C1R: variants seen among roughly 807,000 people sequenced by gnomAD.
The protein encoded by C1R is complement C1r subcomponent.
C1R carries 15 observed loss-of-function variants against 27.6 expected under a neutral mutation model. The observed-to-expected ratio is 0.54, with a 90% CI of 0.36 to 0.84. The LOEUF is 0.84. C1R is among the 40% of genes least tolerant of loss of function. The pLI is 0.01. For missense variants in C1R, 544 were observed against 577.9 expected (o/e 0.94, Z 0.60); for synonymous variants, 253 against 228.8 (o/e 1.11, Z -0.95).
chr12:7,088,708 T>C lies in C1R; in HGVS notation c.940A>G (p.Thr314Ala), dbSNP rs1267707815. ...TEIIKCPQPK[T>A]LDEFTIIQNL... ...TGGATGATGGTGAACTCGTCTAGGG[T>C]CTTGGGCTGGGGGCACTTGATGACT... The change falls in exon 7 of 11, where the codon ACC becomes GCC. Residue 314 changes from threonine (T) to alanine (A), a missense_variant. Coordinates refer to ENST00000647956, the MANE Select transcript of C1R (RefSeq NM_001733.7). The C allele has an allele frequency of 1.3e-6, 1 of 776,764 alleles. No homozygotes were observed. Among genetic ancestry groups the C allele is most frequent in the African/African-American group, 1.7e-5 (1 of 59,090 alleles). The allele number at this position is 776,764 out of a possible 1,614,324, so 48.1% of individuals were successfully genotyped here. A position where few individuals can be genotyped will look rare whatever the true frequency, so the allele number is the denominator to read the frequency against.
At chr12:7,081,401 T>C in intron 10 of C1R, 100 bp from the exon 11 acceptor site, 1 of 1,067,774 alleles carries the variant, frequency 9.4e-7, no homozygotes, top group Non-Finnish European at 1.4e-6. Flanking sequence ...TCTTTTTGGC[T>C]TCTGTCTCTT....
intron 2 of C1R, 160 bp from the exon 3 acceptor site, chr12:7,090,408 A>C: frequency 1.7e-6 from 1 of 603,188 alleles, no homozygotes; most frequent in South Asian, 2.0e-5. Flanking sequence ...AAACTTCCCC[A>C]TGTGACTTTC....
At chr12:7,086,862 C>T (rs1223984854) in intron 7 of C1R, 1 of 155,692 alleles carries the variant, frequency 6.4e-6, no homozygotes, top group Non-Finnish European at 1.4e-5. Flanking sequence ...GTGTCCCCTG[C>T]CTCCAGGCGT....
At chr12:7,085,336 G>A (rs1938135400) in intron 9 of C1R, among the ~76,000 whole-genome samples, 1 of 151,700 alleles carries the variant, frequency 6.6e-6, no homozygotes, top group Non-Finnish European at 1.5e-5. Flanking sequence ...TGGTGGTGAT[G>A]ATGATGTTGG....
Position 7,089,424 on chromosome 12 carries a change from A to G in C1R, c.637T>C (p.Ser213Pro). The change falls in exon 5 of 11, where the codon TCC becomes CCC. Residue 213 changes from serine (S) to proline (P), a missense_variant. Ser to Pro is a moderately conservative substitution (Grantham distance 74, BLOSUM62 -1). Transcript: ENST00000647956. Reference sequence around the variant, plus strand: ...TTGCAGCGCAGGTCAGGGGGGTAGGACCGAGGGTACTCCAGGCTGGAGATG... The same window carrying G: ...TTGCAGCGCAGGTCAGGGGGGTAGGGCCGAGGGTACTCCAGGCTGGAGATG... ...GYISSLEYPR[S>P]YPPDLRCNYS... is the part of the protein sequence containing the mutation. The G allele has an allele frequency of 1.3e-6, 1 of 779,996 alleles. No individual in the cohort carries two copies. The highest frequency in any genetic ancestry group is 2.4e-6 in the Non-Finnish European group (1 of 417,490). 48.3% of individuals were successfully genotyped at this position (779,996 alleles called of 1,614,324 possible). A position where few individuals can be genotyped will look rare whatever the true frequency, so the allele number is the denominator to read the frequency against.
In C1R at chr12:7,088,718, G is replaced by A. The variant is rs1409062342; in HGVS notation, c.930C>T (p.Pro310=). The change falls in exon 7 of 11, where the codon CCC becomes CCT. Residue 310 remains proline, a synonymous_variant. Transcript: ENST00000647956. ...TGAACTCGTCTAGGGTCTTGGGCTG[G>A]GGGCACTTGATGACTGTTGGGGAGA... The part of the protein sequence containing the change: ...LRYTTEIIKC[P]QPKTLDEFTI... 3.9e-6 allele frequency: 3 copies of A among 777,688 alleles called. No individual in the cohort carries two copies. The South Asian group carries it at 4.1e-5, about 11-fold the overall frequency. 48.2% of individuals were successfully genotyped at this position (777,688 alleles called of 1,614,324 possible). A position where few individuals can be genotyped will look rare whatever the true frequency, so the allele number is the denominator to read the frequency against.
At chr12:7,085,294 AGTGGTGATG>A (rs1212698067) in intron 9 of C1R, among the ~76,000 whole-genome samples, 33 of 123,530 alleles carry the variant, frequency 2.7e-4, no homozygotes, top group East Asian at 1.0e-3. Context: ...TGGTAATGAT[AGTGGTGATG>A]GTGGTGATGG....
intron 9 of C1R, among the ~76,000 whole-genome samples, chr12:7,082,435 C>T (rs1158990676): frequency 6.6e-6 from 1 of 152,050 alleles, no homozygotes; most frequent in Non-Finnish European, 1.5e-5. Context: ...AGGTTCATGC[C>T]ATTCTCCTGC....
chr12:7,090,622 G>A (rs941061092), intron 2 of C1R, among the ~76,000 whole-genome samples: 3 of 152,112 alleles, frequency 2.0e-5, no homozygotes, highest in Non-Finnish European at 2.9e-5. Context: ...AGACAGCTCC[G>A]CTTTATTTTC....
chr12:7,080,987 C>T lies in C1R; in HGVS notation c.1663G>A (p.Glu555Lys). Residue 555 changes from glutamate (E) to lysine (K), a missense_variant, in exon 11 of 11, where the codon GAG (glutamate) becomes AAG (lysine). Coordinates refer to ENST00000647956, the MANE Select transcript of C1R (RefSeq NM_001733.7). This position sits in a 1 kb window ranked among gnomAD's most constrained non-coding sequence, Gnocchi z 4.9. ...DYRQDESYNFEGDIALLELEN... is the reference protein window; with the variant it reads ...DYRQDESYNFKGDIALLELEN... Reference sequence around the variant, plus strand: ...AGCTCCAGCAGGGCGATGTCCCCCTCAAAATTGTAGGACTCATCCTGACGG... The same window carrying T: ...AGCTCCAGCAGGGCGATGTCCCCCTTAAAATTGTAGGACTCATCCTGACGG... 1 of 1,613,946 alleles carries T rather than the reference C, an allele frequency of 6.2e-7. No individual in the cohort carries two copies. The highest frequency in any genetic ancestry group is 8.5e-7 in the Non-Finnish European group (1 of 1,179,820).
Position 7,089,630 on chromosome 12 carries a change from G to T in C1R, c.528C>A (p.Cys176Ter). 4 of 780,942 alleles carry T rather than the reference G, an allele frequency of 5.1e-6. No homozygotes were observed. The highest frequency in any genetic ancestry group is 9.6e-6 in the Non-Finnish European group (4 of 418,000). 48.4% of individuals were successfully genotyped at this position (780,942 alleles called of 1,614,324 possible). The change falls in exon 4 of 11, where the codon TGC (cysteine) becomes TGA (stop). Residue 176 changes from cysteine (C) to a stop codon, truncating the protein, a stop_gained. Coordinates refer to ENST00000647956, the MANE Select transcript of C1R (RefSeq NM_001733.7). LOFTEE classifies it high-confidence loss of function. ...CTTCCTGAAGCTCATAGCCTGGACG[G>T]CAGGAACAGAAGTAGCCTCCAACGT... ...HNYVGGYFCS[C>*]RPGYELQEDR...
intron 5 of C1R, 75 bp downstream of exon 5, chr12:7,089,218 A>G (rs770903079): frequency 7.2e-5 from 52 of 725,378 alleles, no homozygotes; most frequent in African/African-American, 6.0e-4. Flanking sequence ...GGGATCCAGG[A>G]GGAAGTTGGG....
Position 7,091,712 on chromosome 12 carries a change from G to A in C1R, c.3-32C>T. The A allele has an allele frequency of 1.4e-6, 1 of 719,468 alleles. No homozygotes were observed. 44.6% of individuals were successfully genotyped at this position (719,468 alleles called of 1,614,324 possible). ...AAACAAAAGAGAGTATCTGGAGCTGGAGGGGTTCAGCACTCTTGCCATGTG... is the reference window on the plus strand; with the variant it reads ...AAACAAAAGAGAGTATCTGGAGCTGAAGGGGTTCAGCACTCTTGCCATGTG... On this transcript the variant is annotated intron_variant, in intron 1 of 10. Transcript: ENST00000647956. The surrounding 1 kb of genome is among the most constrained non-coding windows in gnomAD (Gnocchi z 5.1).
intron 9 of C1R, among the ~76,000 whole-genome samples, chr12:7,085,216 G>A (rs1938131018): frequency 6.6e-6 from 1 of 150,836 alleles, no homozygotes; most frequent in African/African-American, 2.5e-5. Flanking sequence ...TGCTGGTGGT[G>A]ATAATGGTAG....
At position 7,088,960 on chromosome 12, in the gene C1R, G is replaced by C. The variant is rs752048996; in HGVS notation, c.795C>G (p.Gly265=). 1.9e-5 allele frequency: 14 copies of C among 751,100 alleles called. No individual in the cohort carries two copies. Among genetic ancestry groups the C allele is most frequent in the South Asian group, 1.4e-5 (1 of 70,096 alleles). 46.5% of individuals were successfully genotyped at this position (751,100 alleles called of 1,614,324 possible). Reference sequence around the variant, plus strand: ...GGGGCCTTTGCTTCCCACAGAACTCGCCAATGTTCTTCCCGTTGGCATAGA... The same window carrying C: ...GGGGCCTTTGCTTCCCACAGAACTCCCCAATGTTCTTCCCGTTGGCATAGA... ...LQIYANGKNI[G]EFCGKQRPPD... The change falls in exon 6 of 11, where the codon GGC becomes GGG. Residue 265 remains glycine, a synonymous_variant. Transcript: ENST00000647956.
chr12:7,080,444 T>C lies in C1R; in HGVS notation c.*88A>G, dbSNP rs1938032172. On this transcript the variant is annotated 3_prime_UTR_variant, in exon 11 of 11. Coordinates refer to ENST00000647956, the MANE Select transcript of C1R (RefSeq NM_001733.7). The surrounding 1 kb of genome is among the most constrained non-coding windows in gnomAD (Gnocchi z 4.9). ...CTGCATCAGTAATTTTAATAGAGACTCTTAGTGGTTATCAACAACTGGTCA... is the reference window on the plus strand; with the variant it reads ...CTGCATCAGTAATTTTAATAGAGACCCTTAGTGGTTATCAACAACTGGTCA... 1 of 1,500,102 alleles carries C rather than the reference T, an allele frequency of 6.7e-7. No individual in the cohort carries two copies. The highest frequency in any genetic ancestry group is 8.9e-7 in the Non-Finnish European group (1 of 1,127,084). 92.9% of individuals were successfully genotyped at this position (1,500,102 alleles called of 1,614,324 possible). A position where few individuals can be genotyped will look rare whatever the true frequency, so the allele number is the denominator to read the frequency against.
rs1156353755 is a variant in C1R, at chr12:7,086,408, G to A, written c.1088C>T (p.Thr363Met). 10 of 398,710 alleles carry A rather than the reference G, an allele frequency of 2.5e-5. No individual in the cohort carries two copies. The highest frequency in any genetic ancestry group is 7.1e-5 in the East Asian group (2 of 28,084). 24.7% of individuals were successfully genotyped at this position (398,710 alleles called of 1,614,324 possible). A position where few individuals can be genotyped will look rare whatever the true frequency, so the allele number is the denominator to read the frequency against. ...GCATCTGGGCATGGCACGATGCCAC[G>A]TGCCATCATCCTGGCAGACAGCTGT... ...SFTAVCQDDG[T>M]WHRAMPRCKI... Residue 363 changes from threonine to methionine, a missense_variant, in exon 8 of 11, where the codon ACG (threonine) becomes ATG (methionine). Around this residue, in one of 2 missense-constraint regions of C1R, gnomAD observed 291 missense variants for 209.0 expected, o/e 1.39. Transcript: ENST00000647956.
rs1938195957 is a variant in C1R at position 7,088,730 on chromosome 12, G to A, written c.918C>T (p.Ile306=). The change falls in exon 7 of 11, where the codon ATC becomes ATT. Residue 306 remains isoleucine (I), a splice_region_variant and synonymous_variant. Coordinates refer to ENST00000647956, the MANE Select transcript of C1R (RefSeq NM_001733.7). ...RGWKLRYTTE[I]IKCPQPKTLD... ...GGGTCTTGGGCTGGGGGCACTTGAT[G>A]ACTGTTGGGGAGACCAGGGGGCATA... 2.6e-6 allele frequency: 2 copies of A among 777,802 alleles called. No individual in the cohort carries two copies. Among genetic ancestry groups the A allele is most frequent in the Non-Finnish European group, 4.8e-6 (2 of 416,760 alleles). 48.2% of individuals were successfully genotyped at this position (777,802 alleles called of 1,614,324 possible). A position where few individuals can be genotyped will look rare whatever the true frequency, so the allele number is the denominator to read the frequency against.
chr12:7,087,439 G>A (rs1045492066), intron 7 of C1R: 9 of 154,412 alleles, frequency 5.8e-5, no homozygotes, highest in African/African-American at 1.7e-4. Flanking sequence ...CCTGGAAAAG[G>A]TTGTAAGAGA....
Sources: allele counts gnomAD v4.1 joint callset (sites outside exome capture counted in the v4.1 genomes callset), GRCh38; gene constraint gnomAD v4.1.1; regional missense constraint gnomAD v4.1.1; non-coding constraint Gnocchi (gnomAD v3.1); transcripts MANE v1.5; gene names NCBI Gene and HGNC (gene_info 2026-07-23, HGNC 2026-07-21).